DSCAM: variants seen among roughly 807,000 people sequenced by gnomAD.
The protein encoded by DSCAM is DS cell adhesion molecule.
In DSCAM, 47 loss-of-function variants were observed where a neutral mutation model predicts 217.7. The ratio of observed to expected loss-of-function variants is 0.22; its 90% CI spans 0.17 to 0.28. The LOEUF is 0.28. DSCAM is among the 10% of genes least tolerant of loss of function. DSCAM has a pLI of 1.00. For synonymous variants in DSCAM, 1,056 were observed against 1,015.3 expected, an observed-to-expected ratio of 1.04 and a Z score of -0.76; for missense variants, 2,080 against 2,618.3, an observed-to-expected ratio of 0.79 and a Z score of 4.49.
intron 5 of DSCAM, among the ~76,000 whole-genome samples, chr21:40,348,843 T>A (rs766472194): frequency 3.3e-5 from 5 of 152,008 alleles, no homozygotes; most frequent in Non-Finnish European, 7.4e-5. Context: ...ATAAATCCAC[T>A]GACAATAAGA....
chr21:40,318,716 C>T (rs1202166322), intron 8 of DSCAM, among the ~76,000 whole-genome samples: 1 of 152,202 alleles, frequency 6.6e-6, no homozygotes, highest in African/African-American at 2.4e-5. Context: ...GATGCAGAGA[C>T]ATATGATGAG....
rs2090327405 is a variant in DSCAM at position 40,144,251 on chromosome 21, TGAGG to T, written c.3259+236_3259+239del. On this transcript the variant is annotated intron_variant, in intron 17 of 32. Transcript: ENST00000400454. This position sits in a 1 kb window ranked among gnomAD's most constrained non-coding sequence, Gnocchi z 4.8. ...GCCCAATTCTTGTACCTGAAATGAA[TGAGG>T]AAGAGTCTGAAAAGGGAGGGACTTG... Among the ~76,000 whole-genome samples, 2 of 152,266 alleles carry T rather than the reference TGAGG, an allele frequency of 1.3e-5. No homozygotes were observed. The highest frequency in any genetic ancestry group is 4.8e-5 in the African/African-American group (2 of 41,548).
intron 1 of DSCAM, among the ~76,000 whole-genome samples, chr21:40,771,483 T>C (rs976939674): frequency 1.3e-5 from 2 of 152,226 alleles, no homozygotes; most frequent in Admixed American, 6.5e-5. Context: ...TCCTTCAGAC[T>C]GTGAGCAATT....
intron 3 of DSCAM, among the ~76,000 whole-genome samples, chr21:40,373,046 G>A (rs1263936360): frequency 4.6e-5 from 7 of 152,134 alleles, no homozygotes; most frequent in African/African-American, 1.7e-4. Flanking sequence ...CTACAGCCAC[G>A]TTCTTCCCAT....
intron 1 of DSCAM, among the ~76,000 whole-genome samples, chr21:40,766,222 C>T (rs376113988): frequency 6.6e-6 from 1 of 152,094 alleles, no homozygotes; most frequent in Non-Finnish European, 1.5e-5. Flanking sequence ...TATTAAAAAT[C>T]ATGAACTGTT....
At chr21:40,656,756 C>G (rs2090081576) in intron 3 of DSCAM, among the ~76,000 whole-genome samples, 1 of 152,136 alleles carries the variant, frequency 6.6e-6, no homozygotes. Context: ...AATTGTCATG[C>G]CTACTCATTT....
chr21:40,386,461 C>G (rs2075086318), intron 3 of DSCAM, among the ~76,000 whole-genome samples: 1 of 152,156 alleles, frequency 6.6e-6, no homozygotes, highest in Admixed American at 6.5e-5. Context: ...AGCCGCCGCC[C>G]ACGCCGGGCC....
intron 11 of DSCAM, among the ~76,000 whole-genome samples, chr21:40,228,164 C>T (rs1320555581): frequency 6.6e-6 from 1 of 152,160 alleles, no homozygotes; most frequent in South Asian, 2.1e-4. Flanking sequence ...AGGGTAAATG[C>T]TATCAACAGG....
At chr21:40,352,118 C>T (rs2074637506) in intron 5 of DSCAM, among the ~76,000 whole-genome samples, 1 of 152,174 alleles carries the variant, frequency 6.6e-6, no homozygotes, top group South Asian at 2.1e-4. Context: ...ATAACTCCCA[C>T]ATGCTTAGTG....
chr21:40,324,779 A>C (rs2074300345), intron 8 of DSCAM, among the ~76,000 whole-genome samples: 1 of 152,200 alleles, frequency 6.6e-6, no homozygotes, highest in South Asian at 2.1e-4. Context: ...TTTAATATGA[A>C]AAGAAAAGCC....
chr21:40,477,971 A>G (rs7410243), intron 3 of DSCAM, among the ~76,000 whole-genome samples: 2 of 151,834 alleles, frequency 1.3e-5, no homozygotes, highest in Admixed American at 1.3e-4. Context: ...AAAAATTACC[A>G]GGACCCCTGA....
At chr21:40,220,631 G>C (rs1308958744) in intron 11 of DSCAM, among the ~76,000 whole-genome samples, 2 of 152,140 alleles carry the variant, frequency 1.3e-5, no homozygotes, top group African/African-American at 4.8e-5. Context: ...TTAATAAAAA[G>C]TCTCCACAAT....
At chr21:40,118,703 TTCTTC>T (rs1281899559) in intron 20 of DSCAM, among the ~76,000 whole-genome samples, 1 of 152,222 alleles carries the variant, frequency 6.6e-6, no homozygotes, top group Non-Finnish European at 1.5e-5. Context: ...TCAGGTAAAA[TTCTTC>T]TCTTCCTGCA....
At chr21:40,246,354 TAAAAAAAAAAAA>T (rs34308158) in intron 11 of DSCAM, among the ~76,000 whole-genome samples, 42 of 13,916 alleles carry the variant, frequency 3.0e-3, no homozygotes, top group Admixed American at 3.0e-3. Context: ...CAGTCCGTAC[TAAAAAAAAAAAA>T]AAAAAAAAAA....
At chr21:40,289,699 G>C (rs572980112) in intron 10 of DSCAM, among the ~76,000 whole-genome samples, 1 of 152,180 alleles carries the variant, frequency 6.6e-6, no homozygotes, top group Admixed American at 6.5e-5. Context: ...ACTTTATCAG[G>C]GGTATGCATG....
At chr21:40,817,906 C>T (rs895526995) in intron 1 of DSCAM, among the ~76,000 whole-genome samples, 1 of 150,342 alleles carries the variant, frequency 6.7e-6, no homozygotes, top group African/African-American at 2.5e-5. Context: ...ACCATCCTGG[C>T]TAACAAGGTG....
chr21:40,163,307 G>T (rs2090560751), intron 16 of DSCAM, among the ~76,000 whole-genome samples: 1 of 152,114 alleles, frequency 6.6e-6, no homozygotes, highest in African/African-American at 2.4e-5. Flanking sequence ...CATCAAATAT[G>T]TTATCAATTA....
At chr21:40,492,335 C>A (rs2146014849) in intron 3 of DSCAM, among the ~76,000 whole-genome samples, 1 of 152,266 alleles carries the variant, frequency 6.6e-6, no homozygotes, top group Admixed American at 6.5e-5. Flanking sequence ...TGAGAACAGG[C>A]TGACTTCCCA....
intron 18 of DSCAM, among the ~76,000 whole-genome samples, chr21:40,138,895 A>T (rs559256115): frequency 2.0e-5 from 2 of 102,466 alleles, no homozygotes; most frequent in South Asian, 6.9e-4. Flanking sequence ...TGTGGTGTGT[A>T]AGTGTGGTGT....
Sources: gnomAD v4.1 joint callset for allele counts (sites outside exome capture counted in the v4.1 genomes callset) on GRCh38, gnomAD v4.1.1 for gene constraint, Gnocchi (gnomAD v3.1) non-coding constraint, MANE v1.5 for transcripts, NCBI Gene and HGNC (gene_info 2026-07-23, HGNC 2026-07-21) for gene names.